Variants in DLG2 observed in about 807,000 individuals in gnomAD.
DLG2 encodes discs large MAGUK scaffold protein 2.
A neutral mutation model predicts 132.5 loss-of-function variants in DLG2; 45 were observed. That is an observed-to-expected ratio of 0.34 (90% CI 0.27 to 0.44). The LOEUF is 0.44. Ranked by LOEUF, DLG2 falls within the 20% of genes least tolerant of loss-of-function variation. The pLI is 1.00. For missense variants in DLG2, 1,045 were observed against 1,196.9 expected (o/e 0.87, Z 1.87); for synonymous variants, 424 against 419.6 (o/e 1.01, Z -0.13).
chr11:83,596,214 G>A (rs2057551441), intron 19 of DLG2, among the ~76,000 whole-genome samples: 1 of 152,130 alleles, frequency 6.6e-6, no homozygotes, highest in Non-Finnish European at 1.5e-5. Flanking sequence ...TGTAAGGGGA[G>A]GATGTCCATT....
At chr11:84,632,223 A>T (rs976849787) in intron 6 of DLG2, among the ~76,000 whole-genome samples, 1 of 152,090 alleles carries the variant, frequency 6.6e-6, no homozygotes, top group African/African-American at 2.4e-5. Context: ...CTTGTCAACA[A>T]GAACAGCAGA....
At chr11:83,626,473 G>T (rs1388715339) in intron 19 of DLG2, among the ~76,000 whole-genome samples, 1 of 152,100 alleles carries the variant, frequency 6.6e-6, no homozygotes, top group Non-Finnish European at 1.5e-5. Context: ...AAGAATCAAG[G>T]CATGAAGGAA....
intron 7 of DLG2, among the ~76,000 whole-genome samples, chr11:84,319,492 T>C (rs1385917665): frequency 1.3e-5 from 2 of 152,212 alleles, no homozygotes; most frequent in East Asian, 1.9e-4. Context: ...GGAACACATG[T>C]CCGGTTCTCA....
rs1181993623 is a variant in DLG2, at chr11:84,600,159, GGAAAGAAAGAAAGAAA to G, written c.358-65444_358-65429del. On this transcript the variant is annotated intron_variant, in intron 6 of 27. Coordinates refer to ENST00000376104, the MANE Select transcript of DLG2 (RefSeq NM_001142699.3). ...AAGAAAGAAGGAAAGAAAGAAAGAA[GGAAAGAAAGAAAGAAA>G]GAAAGAAAGAAAGAAAGAAAGAAAG... Among the ~76,000 whole-genome samples, 458 of 96,144 alleles carry G rather than the reference GGAAAGAAAGAAAGAAA, an allele frequency of 4.8e-3. 3 individuals are homozygous for G. The highest frequency in any genetic ancestry group is 7.1e-3 in the South Asian group (17 of 2,390). 63.1% of individuals were successfully genotyped at this position (96,144 alleles called of 152,430 possible). A position where few individuals can be genotyped will look rare whatever the true frequency, so the allele number is the denominator to read the frequency against.
intron 3 of DLG2, among the ~76,000 whole-genome samples, chr11:85,562,107 C>T (rs1041284826): frequency 2.6e-5 from 4 of 151,722 alleles, no homozygotes; most frequent in Admixed American, 2.6e-4. Context: ...AACTGTACCA[C>T]CAGAAAATGT....
At chr11:83,486,651 C>T (rs2093530550) in intron 21 of DLG2, among the ~76,000 whole-genome samples, 1 of 151,990 alleles carries the variant, frequency 6.6e-6, no homozygotes, top group Non-Finnish European at 1.5e-5. Context: ...CTAAGCATCA[C>T]ACTTTACAAA....
At chr11:85,138,833 C>A (rs374596168) in intron 5 of DLG2, among the ~76,000 whole-genome samples, 1 of 150,466 alleles carries the variant, frequency 6.6e-6, no homozygotes, top group South Asian at 2.1e-4. Flanking sequence ...TCCAATTAAA[C>A]CTCTTGTTCT....
At chr11:84,714,588 TTTCTCTTTCTTTCTCTTTCTC>T (rs2060880225) in intron 6 of DLG2, among the ~76,000 whole-genome samples, 2 of 131,346 alleles carry the variant, frequency 1.5e-5, no homozygotes, top group South Asian at 2.4e-4. Context: ...TCTCTTTCTC[TTTCTCTTTCTTTCTCTTTCTC>T]TTTCTCTTTC....
intron 22 of DLG2, chr11:83,480,541 T>G (rs542977051): frequency 2.8e-5 from 42 of 1,524,486 alleles, no homozygotes; most frequent in Non-Finnish European, 8.9e-7. Flanking sequence ...CAGAGGAGGC[T>G]GCATTAAGAA....
At chr11:85,301,283 T>C (rs1261089627) in intron 3 of DLG2, among the ~76,000 whole-genome samples, 1 of 152,058 alleles carries the variant, frequency 6.6e-6, no homozygotes, top group East Asian at 1.9e-4. Flanking sequence ...GGCAGGCAGG[T>C]AGGTAGACTG....
At chr11:85,338,805 C>A (rs1436150681) in intron 3 of DLG2, among the ~76,000 whole-genome samples, 2 of 149,882 alleles carry the variant, frequency 1.3e-5, no homozygotes, top group Non-Finnish European at 3.0e-5. Flanking sequence ...CCCGGGTTCA[C>A]TCCATTCTCC....
chr11:83,479,557 A>G (rs2092924736), intron 22 of DLG2, among the ~76,000 whole-genome samples: 1 of 152,110 alleles, frequency 6.6e-6, no homozygotes, highest in African/African-American at 2.4e-5. Flanking sequence ...TCCTAGTAAA[A>G]ATATGTATCT....
intron 19 of DLG2, among the ~76,000 whole-genome samples, chr11:83,586,105 C>A (rs575699247): frequency 6.6e-6 from 1 of 152,286 alleles, no homozygotes; most frequent in South Asian, 2.1e-4. Context: ...GAAGAACAGA[C>A]AAAAACAGGT....
chr11:83,579,637 G>C (rs918352677), intron 19 of DLG2, among the ~76,000 whole-genome samples: 2 of 151,904 alleles, frequency 1.3e-5, no homozygotes, highest in African/African-American at 4.8e-5. Flanking sequence ...ACAATAAAAT[G>C]CTTAAAAAAA....
chr11:83,595,586 A>C (rs987182311), intron 19 of DLG2, among the ~76,000 whole-genome samples: 1 of 152,246 alleles, frequency 6.6e-6, no homozygotes, highest in Admixed American at 6.5e-5. Context: ...GGACTTCTCC[A>C]CAACCAAATT....
chr11:84,938,706 A>G (rs1360287375), intron 6 of DLG2, among the ~76,000 whole-genome samples: 1 of 152,196 alleles, frequency 6.6e-6, no homozygotes, highest in Non-Finnish European at 1.5e-5. Context: ...CCACATCTGC[A>G]TATGCTACCT....
chr11:84,513,321 T>A (rs1051919290), intron 7 of DLG2, among the ~76,000 whole-genome samples: 1 of 151,634 alleles, frequency 6.6e-6, no homozygotes, highest in East Asian at 1.9e-4. Context: ...TTCACAGAAA[T>A]AGAAAAAAGA....
chr11:83,751,217 C>T (rs915304053), intron 18 of DLG2, among the ~76,000 whole-genome samples: 1 of 152,138 alleles, frequency 6.6e-6, no homozygotes, highest in African/African-American at 2.4e-5. Context: ...GGCTAGAGAA[C>T]AGCAAGGACC....
At chr11:85,122,703 T>G (rs2074469429) in intron 5 of DLG2, among the ~76,000 whole-genome samples, 1 of 151,802 alleles carries the variant, frequency 6.6e-6, no homozygotes. Context: ...TCCAGCAGTT[T>G]TCTAGCAGAT....
Sources: gnomAD v4.1 joint callset for allele counts (sites outside exome capture counted in the v4.1 genomes callset) on GRCh38, gnomAD v4.1.1 for gene constraint, MANE v1.5 for transcripts, NCBI Gene and HGNC (gene_info 2026-07-23, HGNC 2026-07-21) for gene names.